Variants in CNTNAP2 observed in about 807,000 individuals in gnomAD.
CNTNAP2 encodes contactin-associated protein-like 2.
Under a neutral mutation model 155.2 loss-of-function variants are expected in CNTNAP2, and 98 were observed. The ratio of observed to expected loss-of-function variants is 0.63; its 90% confidence interval spans 0.54 to 0.75. The LOEUF (loss-of-function observed/expected upper bound fraction) is 0.75, where lower values mean the gene tolerates loss of function less well. Among genes scored for constraint, CNTNAP2 ranks in the 30% least tolerant of loss-of-function variants. The pLI, the probability that CNTNAP2 is intolerant of heterozygous loss-of-function variation, is 0.00. For missense variants in CNTNAP2, 1,727 were observed against 1,688.1 expected (o/e 1.02, Z -0.40); for synonymous variants, 651 against 631.2 (o/e 1.03, Z -0.47).
At chr7:146,497,929 A>T (rs930756396) in intron 1 of CNTNAP2, among the ~76,000 whole-genome samples, 3 of 150,478 alleles carry the variant, frequency 2.0e-5, no homozygotes, top group Non-Finnish European at 4.4e-5. Flanking sequence ...ATATTCTAAC[A>T]TATACATAAA....
Position 146,770,517 on chromosome 7 carries a change from T to C in CNTNAP2, c.98-3754T>C, listed in dbSNP as rs530882653. Among the ~76,000 whole-genome samples, 23 of 152,216 alleles carry C rather than the reference T, an allele frequency of 1.5e-4. No individual in the cohort carries two copies. In the South Asian group the frequency reaches 4.6e-3, roughly 30 times the overall value. On this transcript the variant is annotated intron_variant, in intron 1 of 23. Transcript: ENST00000361727. Reference sequence around the variant, plus strand: ...TTAATTTGGAAGAATGTGAGATTGCTGGTGCTTTACATTCTGATAATAATT... The same window carrying C: ...TTAATTTGGAAGAATGTGAGATTGCCGGTGCTTTACATTCTGATAATAATT...
At position 147,577,844 on chromosome 7, in the gene CNTNAP2, G is replaced by A. The variant is rs1028504078; in HGVS notation, c.1897+15587G>A. ...AATTCTCTCTTGGTATCGTGTTGGT[G>A]TCATTGTTCTCACCACCTCTACTCT... is the stretch of plus-strand genomic sequence containing the variant. On this transcript the variant is annotated intron_variant, in intron 12 of 23. Coordinates refer to ENST00000361727, the MANE Select transcript of CNTNAP2 (RefSeq NM_014141.6). Among the ~76,000 whole-genome samples, 5 of 152,106 alleles carry A rather than the reference G, an allele frequency of 3.3e-5. No individual in the cohort carries two copies. In the East Asian group the frequency reaches 7.8e-4, roughly 24 times the overall value.
intron 1 of CNTNAP2, among the ~76,000 whole-genome samples, chr7:146,722,843 T>C (rs1192266457): frequency 6.6e-6 from 1 of 151,916 alleles, no homozygotes; most frequent in Non-Finnish European, 1.5e-5. Flanking sequence ...GATGAAACAC[T>C]ATCTCTACTA....
At chr7:146,236,454 C>A (rs565262230) in intron 1 of CNTNAP2, among the ~76,000 whole-genome samples, 4 of 151,952 alleles carry the variant, frequency 2.6e-5, no homozygotes, top group Non-Finnish European at 4.4e-5. Context: ...ATTTTCTAAG[C>A]CTTTGTTTTA....
chr7:148,012,279 C>G (rs1802094990), intron 15 of CNTNAP2, among the ~76,000 whole-genome samples: 1 of 152,154 alleles, frequency 6.6e-6, no homozygotes, highest in South Asian at 2.1e-4. Flanking sequence ...CCAGCTATAC[C>G]TTAAAAAAGA....
chr7:146,825,244 T>C (rs182805476), intron 2 of CNTNAP2, among the ~76,000 whole-genome samples: 52 of 152,242 alleles, frequency 3.4e-4, no homozygotes, highest in South Asian at 2.3e-3. Flanking sequence ...CTCCCCTCTT[T>C]ATCAAAACAG....
chr7:146,586,993 T>C (rs968449063), intron 1 of CNTNAP2, among the ~76,000 whole-genome samples: 3 of 152,094 alleles, frequency 2.0e-5, no homozygotes, highest in Admixed American at 2.0e-4. Flanking sequence ...AAATATTTCT[T>C]ATTAAATATT....
intron 4 of CNTNAP2, among the ~76,000 whole-genome samples, chr7:147,046,611 A>C (rs2129256476): frequency 6.6e-6 from 1 of 152,338 alleles, no homozygotes; most frequent in East Asian, 1.9e-4. Context: ...ACAAACTAGC[A>C]TATATGTGTG....
At chr7:148,280,492 G>A (rs1223193948) in intron 21 of CNTNAP2, among the ~76,000 whole-genome samples, 1 of 152,192 alleles carries the variant, frequency 6.6e-6, no homozygotes, top group Non-Finnish European at 1.5e-5. Context: ...TATCCTGATG[G>A]TGACACTGTA....
chr7:146,201,399 A>T (rs1459544186), intron 1 of CNTNAP2, among the ~76,000 whole-genome samples: 1 of 152,158 alleles, frequency 6.6e-6, no homozygotes, highest in Non-Finnish European at 1.5e-5. Context: ...TATCACATTA[A>T]AATAACATTC....
At chr7:146,200,081 G>A (rs1290872457) in intron 1 of CNTNAP2, among the ~76,000 whole-genome samples, 1 of 152,162 alleles carries the variant, frequency 6.6e-6, no homozygotes, top group Non-Finnish European at 1.5e-5. Context: ...ATATTCACAT[G>A]ATAACTGTTT....
intron 8 of CNTNAP2, among the ~76,000 whole-genome samples, chr7:147,246,585 G>T (rs1412535596): frequency 2.0e-5 from 3 of 152,026 alleles, no homozygotes; most frequent in African/African-American, 7.3e-5. Context: ...CACTCATGAG[G>T]GTTCTGTTCT....
At chr7:147,725,421 A>G (rs373530582) in intron 13 of CNTNAP2, among the ~76,000 whole-genome samples, 3 of 152,084 alleles carry the variant, frequency 2.0e-5, no homozygotes, top group African/African-American at 7.2e-5. Flanking sequence ...TTTCTTCTTA[A>G]TGCTTCAGAA....
At chr7:146,483,282 A>AAAAAAAT (rs1178407767) in intron 1 of CNTNAP2, among the ~76,000 whole-genome samples, 5 of 39,874 alleles carry the variant, frequency 1.3e-4, no homozygotes, top group African/African-American at 2.7e-4. Flanking sequence ...TCTAAAAAAA[A>AAAAAAAT]ATATATATAT....
chr7:147,642,446 G>A (rs1795294463), intron 13 of CNTNAP2, among the ~76,000 whole-genome samples: 1 of 151,978 alleles, frequency 6.6e-6, no homozygotes, highest in Non-Finnish European at 1.5e-5. Flanking sequence ...TCCTGGTCTT[G>A]CAGTTCAGCA....
At chr7:147,127,192 A>G (rs946335650) in intron 6 of CNTNAP2, among the ~76,000 whole-genome samples, 5 of 152,180 alleles carry the variant, frequency 3.3e-5, no homozygotes, top group African/African-American at 4.8e-5. Flanking sequence ...ATTTCAGTGC[A>G]ACTTGAAAAC....
At chr7:148,337,407 A>G (rs1798139554) in intron 21 of CNTNAP2, among the ~76,000 whole-genome samples, 1 of 152,110 alleles carries the variant, frequency 6.6e-6, no homozygotes, top group African/African-American at 2.4e-5. Flanking sequence ...AGCTGAAAAC[A>G]ATCACCCAGG....
At chr7:146,826,814 T>C (rs1054085481) in intron 2 of CNTNAP2, among the ~76,000 whole-genome samples, 5 of 149,896 alleles carry the variant, frequency 3.3e-5, no homozygotes, top group Admixed American at 2.7e-4. Context: ...ATCAAATAAT[T>C]TTTAAGAATG....
At chr7:147,459,211 A>G (rs1217833093) in intron 10 of CNTNAP2, among the ~76,000 whole-genome samples, 1 of 152,146 alleles carries the variant, frequency 6.6e-6, no homozygotes, top group East Asian at 1.9e-4. Flanking sequence ...TTTGGTTTTA[A>G]TATTTGCATT....
Sources: gnomAD v4.1 joint callset for allele counts (sites outside exome capture counted in the v4.1 genomes callset) on GRCh38, gnomAD v4.1.1 for gene constraint, MANE v1.5 for transcripts, NCBI Gene and HGNC (gene_info 2026-07-23, HGNC 2026-07-21) for gene names.